The following P4HA1 variants were observed in gnomAD, a reference collection of about 807,000 sequenced individuals.
P4HA1 encodes the protein prolyl 4-hydroxylase subunit alpha-1.
P4HA1 carries 24 observed loss-of-function variants against 72.8 expected under a neutral mutation model. That is an observed-to-expected ratio of 0.33 (90% CI 0.24 to 0.46). The LOEUF (loss-of-function observed/expected upper bound fraction) is 0.46. P4HA1 is among the 20% of genes least tolerant of loss of function. The pLI, the probability that P4HA1 is intolerant of heterozygous loss-of-function variation, is 1.00. For synonymous variants in P4HA1, 201 were observed against 218.8 expected (o/e 0.92, Z 0.72); for missense variants, 446 against 640.6 (o/e 0.70, Z 3.28).
chr10:73,085,583 A>G (rs1352134498), intron 1 of P4HA1, among the ~76,000 whole-genome samples: 2 of 152,088 alleles, frequency 1.3e-5, no homozygotes, highest in Admixed American at 1.3e-4. Context: ...GAGTTTCTCC[A>G]TGTTGGTCAG....
chr10:73,023,520 T>A (rs1226130082), intron 10 of P4HA1, among the ~76,000 whole-genome samples: 1 of 152,108 alleles, frequency 6.6e-6, no homozygotes, highest in Admixed American at 6.6e-5. Context: ...AAGGAACAAC[T>A]GGTACCAGCC....
Position 73,046,926 on chromosome 10 carries a change from C to G in P4HA1, c.1076G>C (p.Arg359Thr), listed in dbSNP as rs1388241646. The G allele has an allele frequency of 6.3e-7, 1 of 1,594,160 alleles. No individual in the cohort carries two copies. Among genetic ancestry groups the G allele is most frequent in the Admixed American group, 1.7e-5 (1 of 57,872 alleles). Residue 359 changes from arginine (R) to threonine (T), a missense_variant and splice_region_variant, in exon 8 of 15, where the codon AGG becomes ACG. Coordinates refer to ENST00000394890, the MANE Select transcript of P4HA1 (RefSeq NM_001017962.3). ...IEIVKDLAKP[R>T]LRRATISNPI... ...AGAAAGAAAGAAAACATTATTTACC[C>G]TTGGTTTTGCTAGGTCTTTGACGAT... is the stretch of plus-strand genomic sequence containing the variant.
At chr10:73,073,893 G>A (rs1841628859) in intron 2 of P4HA1, 66 bp from the exon 3 acceptor site, 2 of 790,426 alleles carry the variant, frequency 2.5e-6, no homozygotes, top group Non-Finnish European at 4.5e-6. Context: ...GAATAAGAAT[G>A]ATTGAGACTG....
chr10:73,012,041 C>G (rs1216691069), intron 12 of P4HA1, among the ~76,000 whole-genome samples: 1 of 152,056 alleles, frequency 6.6e-6, no homozygotes, highest in Non-Finnish European at 1.5e-5. Flanking sequence ...ATGTGCCCCT[C>G]TGGGAATGGT....
At chr10:73,043,706 C>G (rs887610610) in intron 9 of P4HA1, among the ~76,000 whole-genome samples, 1 of 152,186 alleles carries the variant, frequency 6.6e-6, no homozygotes, top group Non-Finnish European at 1.5e-5. Context: ...TGGAAAACCC[C>G]TATTAACTGC....
intron 12 of P4HA1, among the ~76,000 whole-genome samples, chr10:73,012,189 A>C (rs1321574462): frequency 1.3e-5 from 2 of 152,234 alleles, no homozygotes; most frequent in African/African-American, 4.8e-5. Flanking sequence ...AAAACAAAGA[A>C]ATATAAGCAG....
chr10:73,063,148 C>G (rs1841348030), intron 5 of P4HA1, among the ~76,000 whole-genome samples: 1 of 152,108 alleles, frequency 6.6e-6, no homozygotes, highest in African/African-American at 2.4e-5. Context: ...AACAAAATAC[C>G]AAGGACTGGA....
At chr10:73,061,932 T>C (rs1174085533) in intron 5 of P4HA1, among the ~76,000 whole-genome samples, 1 of 151,880 alleles carries the variant, frequency 6.6e-6, no homozygotes, top group Non-Finnish European at 1.5e-5. Context: ...GGCAGCAGGA[T>C]GGCTTGAGTC....
At position 73,028,911 on chromosome 10, in the gene P4HA1, G is replaced by A. The variant is rs138737213; in HGVS notation, c.1248+1360C>T. ...AATACAAAAATTAGCTAGCCGTGGC[G>A]GCATGTGCCTGTGGTCCCAGCTACC... On this transcript the variant is annotated intron_variant, in intron 10 of 14. Transcript: ENST00000394890. 5.4e-4 allele frequency among the ~76,000 whole-genome samples: 81 copies of A among 151,320 alleles called. 1 individual carries two copies. The highest frequency in any genetic ancestry group is 1.7e-3 in the African/African-American group (71 of 41,276).
chr10:73,073,835 G>C lies in P4HA1; in HGVS notation c.77-8C>G. 1 of 1,352,368 alleles carries C rather than the reference G, an allele frequency of 7.4e-7. No homozygotes were observed. The highest frequency in any genetic ancestry group is 1.1e-6 in the Non-Finnish European group (1 of 942,970). 83.8% of individuals were successfully genotyped at this position (1,352,368 alleles called of 1,614,324 possible). On this transcript the variant is annotated splice_polypyrimidine_tract_variant and splice_region_variant and intron_variant, in intron 2 of 14. Transcript: ENST00000394890. Reference sequence around the variant, plus strand: ...TCAAATCAGTCATCTGACCTAGAAGGGGAAGAAGGTTATCAAATACTCATA... The same window carrying C: ...TCAAATCAGTCATCTGACCTAGAAGCGGAAGAAGGTTATCAAATACTCATA...
At chr10:73,036,362 T>C (rs1274510982) in intron 9 of P4HA1, among the ~76,000 whole-genome samples, 1 of 152,116 alleles carries the variant, frequency 6.6e-6, no homozygotes, top group Non-Finnish European at 1.5e-5. Flanking sequence ...TTCATTTAAT[T>C]TGACTTTCAT....
intron 10 of P4HA1, among the ~76,000 whole-genome samples, 182 bp downstream of exon 10, chr10:73,030,089 C>T (rs1279144621): frequency 6.6e-6 from 1 of 152,100 alleles, no homozygotes; most frequent in Non-Finnish European, 1.5e-5. Context: ...ATTTAAAAGT[C>T]ACAGAACAAT....
At chr10:73,059,683 C>T (rs571924594) in intron 5 of P4HA1, among the ~76,000 whole-genome samples, 94 of 150,822 alleles carry the variant, frequency 6.2e-4, no homozygotes, top group Non-Finnish European at 9.2e-4. Context: ...GCAGAGCTTG[C>T]AGTGAGCTGA....
At chr10:73,050,583 C>G (rs1197019932) in intron 7 of P4HA1, among the ~76,000 whole-genome samples, 1 of 151,698 alleles carries the variant, frequency 6.6e-6, no homozygotes, top group Admixed American at 6.6e-5. Flanking sequence ...ACCTGTAATC[C>G]CAGCTACTCA....
At chr10:73,042,028 T>G (rs981693330) in intron 9 of P4HA1, among the ~76,000 whole-genome samples, 1 of 152,016 alleles carries the variant, frequency 6.6e-6, no homozygotes, top group Non-Finnish European at 1.5e-5. Context: ...TTTGTATTTT[T>G]TGTAGAGTTG....
intron 10 of P4HA1, among the ~76,000 whole-genome samples, chr10:73,025,221 G>A (rs1033222604): frequency 2.0e-5 from 3 of 151,590 alleles, no homozygotes; most frequent in Non-Finnish European, 3.0e-5. Context: ...GAACATCGAC[G>A]CAAAAATCCA....
chr10:73,024,369 G>A (rs113232558), intron 10 of P4HA1, among the ~76,000 whole-genome samples: 14 of 152,330 alleles, frequency 9.2e-5, no homozygotes, highest in African/African-American at 3.4e-4. Flanking sequence ...CATGGAAACT[G>A]AACAACCTGC....
chr10:73,095,865 AAG>A (rs1031057758), intron 1 of P4HA1, among the ~76,000 whole-genome samples: 2 of 152,222 alleles, frequency 1.3e-5, no homozygotes, highest in Non-Finnish European at 2.9e-5. Flanking sequence ...ATTTAGGAGA[AAG>A]AGTCTCACAG....
At chr10:73,070,175 T>G (rs1841526732) in intron 4 of P4HA1, among the ~76,000 whole-genome samples, 3 of 127,696 alleles carry the variant, frequency 2.3e-5, no homozygotes, top group Non-Finnish European at 4.7e-5. Flanking sequence ...TTTTTTTTTT[T>G]GAGATGGAGT....
Sources: allele counts gnomAD v4.1 joint callset (sites outside exome capture counted in the v4.1 genomes callset), GRCh38; gene constraint gnomAD v4.1.1; transcripts MANE v1.5; gene names NCBI Gene and HGNC (gene_info 2026-07-23, HGNC 2026-07-21).